Variants in MBTPS1 observed in about 807,000 individuals in gnomAD.
MBTPS1 encodes the protein membrane bound transcription factor peptidase, site 1.
In MBTPS1, 94 loss-of-function variants were observed where a neutral mutation model predicts 127.8. That is an observed-to-expected ratio of 0.74 (90% CI 0.62 to 0.87). MBTPS1 has a LOEUF of 0.87. Among genes scored for constraint, MBTPS1 ranks in the 40% least tolerant of loss-of-function variants. The pLI, the probability that MBTPS1 is intolerant of heterozygous loss-of-function variation, is 0.00. For synonymous variants in MBTPS1, 632 were observed against 509.4 expected (o/e 1.24, Z -3.24); for missense variants, 1,636 against 1,353.2 (o/e 1.21, Z -3.28).
At chr16:84,116,253 G>A (rs1167625432) in intron 1 of MBTPS1, among the ~76,000 whole-genome samples, 6 of 152,206 alleles carry the variant, frequency 3.9e-5, no homozygotes, top group Non-Finnish European at 8.8e-5. Flanking sequence ...ATGCCAAGGC[G>A]AGGCAAGATT....
At chr16:84,113,465 T>C (rs1003951935) in intron 1 of MBTPS1, among the ~76,000 whole-genome samples, 3 of 152,178 alleles carry the variant, frequency 2.0e-5, no homozygotes, top group African/African-American at 2.4e-5. Context: ...ATTATAGAAA[T>C]AGAAAATAGT....
rs1271021075 is a variant in MBTPS1 at position 84,116,728 on chromosome 16, G to A, written c.-325+7C>T. 1 of 152,080 alleles carries A rather than the reference G, an allele frequency of 6.6e-6. No homozygotes were observed. The highest frequency in any genetic ancestry group is 1.5e-5 in the Non-Finnish European group (1 of 68,028). The allele number at this position is 152,080 out of a possible 1,614,324, so 9.4% of individuals were successfully genotyped here. Reference sequence around the variant, plus strand: ...TCGGGGAGGCCGCGCGCGGGCGGCTGACGTACCTGCGCCGCCGGGAGCTCA... The same window carrying A: ...TCGGGGAGGCCGCGCGCGGGCGGCTAACGTACCTGCGCCGCCGGGAGCTCA... On this transcript the variant is annotated splice_region_variant and intron_variant, in intron 1 of 22. Transcript: ENST00000343411.
At chr16:84,114,484 C>G (rs1380279954) in intron 1 of MBTPS1, among the ~76,000 whole-genome samples, 1 of 152,136 alleles carries the variant, frequency 6.6e-6, no homozygotes, top group Non-Finnish European at 1.5e-5. Context: ...GCAGTATTAG[C>G]TGGCCACACA....
chr16:84,074,879 TG>T (rs2085830036), intron 11 of MBTPS1, 138 bp from the exon 12 acceptor site: 1 of 707,592 alleles, frequency 1.4e-6, no homozygotes, highest in Non-Finnish European at 2.3e-6. Flanking sequence ...GGCTGGCATC[TG>T]GGAACTTGGC....
Position 84,054,402 on chromosome 16 carries a change from C to T in MBTPS1, c.*47G>A, listed in dbSNP as rs548194610. ...CACAGCTCGGCTCACCCACCAGCGC[C>T]GTCCGTGAAGGCTCTCTCTGGCCCT... On this transcript the variant is annotated 3_prime_UTR_variant, in exon 23 of 23. Transcript: ENST00000343411. The T allele has an allele frequency of 3.0e-5, 46 of 1,508,368 alleles. No homozygotes were observed. In the African/African-American group the frequency reaches 4.6e-4, roughly 15 times the overall value. The allele number at this position is 1,508,368 out of a possible 1,614,324, so 93.4% of individuals were successfully genotyped here. A position where few individuals can be genotyped will look rare whatever the true frequency, so the allele number is the denominator to read the frequency against.
chr16:84,079,772 C>G (rs940633988), intron 11 of MBTPS1, among the ~76,000 whole-genome samples: 1 of 152,224 alleles, frequency 6.6e-6, no homozygotes, highest in Non-Finnish European at 1.5e-5. Context: ...CACTGAGATA[C>G]TGGCTGGAAC....
At chr16:84,111,941 C>A (rs1047661979) in intron 1 of MBTPS1, among the ~76,000 whole-genome samples, 3 of 151,438 alleles carry the variant, frequency 2.0e-5, no homozygotes, top group African/African-American at 7.3e-5. Flanking sequence ...TGGCTCATTC[C>A]TGTAATCCCA....
chr16:84,054,208 GC>G lies in MBTPS1; in HGVS notation c.*240del, dbSNP rs1409358275. 8 of 357,028 alleles carry G rather than the reference GC, an allele frequency of 2.2e-5. No individual in the cohort carries two copies. The highest frequency in any genetic ancestry group is 4.7e-5 in the Admixed American group (1 of 21,400). The allele number at this position is 357,028 out of a possible 1,614,324, so 22.1% of individuals were successfully genotyped here. On this transcript the variant is annotated 3_prime_UTR_variant, in exon 23 of 23. Transcript: ENST00000343411. ...GAGTCTTTGGTGCGCACAGCTGCCG[GC>G]GGGAAGTCTCACTGGCGGCAGAGCC...
intron 1 of MBTPS1, among the ~76,000 whole-genome samples, chr16:84,114,253 G>C (rs1490348165): frequency 6.6e-6 from 1 of 151,968 alleles, no homozygotes; most frequent in Admixed American, 6.6e-5. Flanking sequence ...GAGCCATCAC[G>C]CCCGGTCGAC....
Position 84,093,833 on chromosome 16 carries a change from A to T in MBTPS1, c.626-12T>A. 3 of 1,543,544 alleles carry T rather than the reference A, an allele frequency of 1.9e-6. No homozygotes were observed. Among genetic ancestry groups the T allele is most frequent in the Non-Finnish European group, 2.7e-6 (3 of 1,115,610 alleles). On this transcript the variant is annotated splice_polypyrimidine_tract_variant and intron_variant, in intron 4 of 22. Transcript: ENST00000343411. ...TCTTACATTAGCACCTTATTCGGAAAAGAAAGCAAACACAATTATGTTTGA... is the reference window on the plus strand; with the variant it reads ...TCTTACATTAGCACCTTATTCGGAATAGAAAGCAAACACAATTATGTTTGA...
intron 1 of MBTPS1, among the ~76,000 whole-genome samples, chr16:84,107,694 G>A (rs1017848619): frequency 4.2e-5 from 6 of 143,226 alleles, no homozygotes; most frequent in Admixed American, 1.4e-4. Context: ...ACCAACCCCC[G>A]AACTCCTGGG....
chr16:84,074,560 C>A (rs1404359007), intron 12 of MBTPS1, 37 bp downstream of exon 12: 1 of 1,604,776 alleles, frequency 6.2e-7, no homozygotes, highest in Non-Finnish European at 8.5e-7. Context: ...TCTAAGTTCA[C>A]CATCAAGTCA....
At chr16:84,068,228 G>A (rs777568007) in intron 15 of MBTPS1, 111 bp downstream of exon 15, 37 of 772,442 alleles carry the variant, frequency 4.8e-5, no homozygotes, top group East Asian at 7.4e-5. Context: ...GGCCCACGGC[G>A]CATACTCCCT....
intron 14 of MBTPS1, among the ~76,000 whole-genome samples, chr16:84,068,812 G>A (rs765693859): frequency 2.6e-5 from 4 of 152,242 alleles, no homozygotes; most frequent in Admixed American, 1.3e-4. Flanking sequence ...AAATAGCCGC[G>A]GGAGTGCAGG....
chr16:84,113,500 G>A (rs982018514), intron 1 of MBTPS1, among the ~76,000 whole-genome samples: 2 of 152,200 alleles, frequency 1.3e-5, no homozygotes, highest in African/African-American at 4.8e-5. Flanking sequence ...GAGTAGAAGG[G>A]AGACTCAGTA....
chr16:84,105,597 C>G (rs1432342989), intron 1 of MBTPS1, among the ~76,000 whole-genome samples: 1 of 152,160 alleles, frequency 6.6e-6, no homozygotes, highest in Non-Finnish European at 1.5e-5. Context: ...CAGGAAGACA[C>G]AGATGTGCAC....
chr16:84,091,964 A>G, intron 6 of MBTPS1, 116 bp from the exon 7 acceptor site: 1 of 656,032 alleles, frequency 1.5e-6, no homozygotes, highest in South Asian at 1.8e-5. Context: ...ATTTTTTTTT[A>G]CTTAAAACCA....
At chr16:84,114,454 T>C (rs1379341111) in intron 1 of MBTPS1, among the ~76,000 whole-genome samples, 1 of 152,178 alleles carries the variant, frequency 6.6e-6, no homozygotes, top group Non-Finnish European at 1.5e-5. Flanking sequence ...TGTCTCCTTT[T>C]ATTCTTACCC....
At chr16:84,079,457 C>G (rs2085907236) in intron 11 of MBTPS1, among the ~76,000 whole-genome samples, 1 of 151,988 alleles carries the variant, frequency 6.6e-6, no homozygotes, top group Admixed American at 6.5e-5. Context: ...AAAAAGACAC[C>G]AAGGAAAGAA....
Sources: allele counts gnomAD v4.1 joint callset (sites outside exome capture counted in the v4.1 genomes callset), GRCh38; gene constraint gnomAD v4.1.1; transcripts MANE v1.5; gene names NCBI Gene and HGNC (gene_info 2026-07-23, HGNC 2026-07-21).